Variants in MEA1 observed in about 807,000 individuals in gnomAD.
MEA1 encodes the protein male-enhanced antigen 1.
Under a neutral mutation model 21.4 loss-of-function variants are expected in MEA1, and 22 were observed. That is an observed-to-expected ratio of 1.03 (90% confidence interval 0.73 to 1.47). The LOEUF is 1.47. Ranked by LOEUF, MEA1 falls within the 40% of genes most tolerant of loss-of-function variation. The pLI is 0.00. For synonymous variants in MEA1, 91 were observed against 85.5 expected (o/e 1.06, Z -0.35); for missense variants, 233 against 230.5 (o/e 1.01, Z -0.07).
chr6:43,013,262 C>G lies in MEA1; in HGVS notation c.156G>C (p.Glu52Asp). ...TTTCCTCCTGCTCTTCCTCAGGCTC[C>G]TCACTGCTCCAATCCCCAGTGCCTT... is the stretch of plus-strand genomic sequence containing the variant. ...PSEGTGDWSS[E>D]EPEEEQEETG... Residue 52 changes from glutamate to aspartate, a missense_variant, in exon 2 of 4, where the codon GAG (glutamate) becomes GAC (aspartate). By Grantham distance (45) the Glu-to-Asp change is conservative. Coordinates refer to ENST00000244711, the MANE Select transcript of MEA1 (RefSeq NM_014623.4). 6.2e-7 allele frequency: 1 copy of G among 1,614,194 alleles called. No individual in the cohort carries two copies.
chr6:43,013,948 T>G (rs1581872025), upstream of MEA1: 2 of 1,445,386 alleles, frequency 1.4e-6, no homozygotes, highest in Non-Finnish European at 1.8e-6. Context: ...CGTGCAGAGG[T>G]GCCTAGTCCT....
Position 43,013,122 on chromosome 6 carries a change from C to T in MEA1, c.296G>A (p.Arg99Gln), listed in dbSNP as rs374988758. 22 of 1,613,876 alleles carry T rather than the reference C, an allele frequency of 1.4e-5. No homozygotes were observed. Among genetic ancestry groups the T allele is most frequent in the East Asian group, 2.2e-5 (1 of 44,886 alleles). Residue 99 changes from arginine to glutamine, a missense_variant, in exon 2 of 4, where the codon CGA becomes CAA. Arg to Gln is a conservative substitution (Grantham distance 43). Coordinates refer to ENST00000244711, the MANE Select transcript of MEA1 (RefSeq NM_014623.4). ...DGDVVADIQD[R>Q]IQALGLHLPD... ...ATCCCTCCTCCACCCTACCTGGATT[C>T]GATCCTGGATGTCAGCAACTACATC...
upstream of MEA1, chr6:43,014,487 A>C: frequency 2.0e-6 from 1 of 494,660 alleles, no homozygotes; most frequent in Admixed American, 2.3e-5. Context: ...GGGAAAGGAG[A>C]GTGTTAATGG....
At position 43,013,869 on chromosome 6, in the gene MEA1, C is replaced by G. The variant is rs1011993885; in HGVS notation, c.-56G>C. Reference sequence around the variant, plus strand: ...GTCCCCCACCCGCCCCCATCCGAATCCCGGCGCCGGTGTTCCCGCGCGCCT... The same window carrying G: ...GTCCCCCACCCGCCCCCATCCGAATGCCGGCGCCGGTGTTCCCGCGCGCCT... On this transcript the variant is annotated 5_prime_UTR_variant, in exon 1 of 4. Transcript: ENST00000244711. 1.1e-5 allele frequency: 14 copies of G among 1,288,608 alleles called. No homozygotes were observed. The highest frequency in any genetic ancestry group is 1.1e-4 in the Admixed American group (4 of 37,110). 79.8% of individuals were successfully genotyped at this position (1,288,608 alleles called of 1,614,324 possible).
upstream of MEA1, chr6:43,016,661 CA>C (rs1319399149): frequency 1.9e-5 from 3 of 155,988 alleles, no homozygotes; most frequent in Admixed American, 6.2e-5. Flanking sequence ...GCACTCATGC[CA>C]GCTTTCAATG....
chr6:43,013,748 G>A, intron 1 of MEA1, 38 bp downstream of exon 1: 1 of 1,523,382 alleles, frequency 6.6e-7, no homozygotes, highest in Non-Finnish European at 9.0e-7. Context: ...CGGCGTACCC[G>A]CCCCCTTCTC....
chr6:43,014,206 C>T (rs892600646), upstream of MEA1: 2 of 1,312,336 alleles, frequency 1.5e-6, no homozygotes, highest in Non-Finnish European at 1.0e-6. Context: ...TACGACTGCA[C>T]GTGCGCGCAC....
chr6:43,013,596 T>C, intron 1 of MEA1, 190 bp downstream of exon 1: 3 of 804,194 alleles, frequency 3.7e-6, no homozygotes, highest in Non-Finnish European at 6.0e-6. Flanking sequence ...CCCCACCAAC[T>C]TGCTCCGCCA....
In MEA1 at chr6:43,011,568, C is replaced by G; in HGVS notation, c.*902G>C. On this transcript the variant is annotated 3_prime_UTR_variant, in exon 4 of 4. Coordinates refer to ENST00000244711, the MANE Select transcript of MEA1 (RefSeq NM_014623.4). ...CTGTCCCCTACCTGCTCCTCACCCA[C>G]AGCTACCTGAGGCTGCTCTGAGAAG... is the stretch of plus-strand genomic sequence containing the variant. The G allele has an allele frequency of 2.0e-6, 1 of 503,812 alleles. No homozygotes were observed. The highest frequency in any genetic ancestry group is 3.6e-6 in the Non-Finnish European group (1 of 278,050). The allele number at this position is 503,812 out of a possible 1,614,324, so 31.2% of individuals were successfully genotyped here. A position where few individuals can be genotyped will look rare whatever the true frequency, so the allele number is the denominator to read the frequency against.
intron 1 of MEA1, 53 bp downstream of exon 1, chr6:43,013,733 C>G: frequency 1.3e-6 from 2 of 1,540,742 alleles, no homozygotes; most frequent in Non-Finnish European, 1.8e-6. Context: ...CTCCCCTAAA[C>G]AGGTCGGCGT....
chr6:43,014,130 C>A, upstream of MEA1: 1 of 1,416,826 alleles, frequency 7.1e-7, no homozygotes, highest in South Asian at 1.6e-5. Context: ...CCTGCCCACT[C>A]CTCAGCCCTC....
Position 43,013,944 on chromosome 6 carries a change from G to T in MEA1, c.-131C>A. On this transcript the variant is annotated 5_prime_UTR_variant, in exon 1 of 4. The change creates a new upstream start codon in the 5' untranslated region. Coordinates refer to ENST00000244711, the MANE Select transcript of MEA1 (RefSeq NM_014623.4). ...CACTTCCGGCGGGGCAGGACGTGCAGAGGTGCCTAGTCCTCCAGCCCCGCC... is the reference window on the plus strand; with the variant it reads ...CACTTCCGGCGGGGCAGGACGTGCATAGGTGCCTAGTCCTCCAGCCCCGCC... 1.4e-6 allele frequency: 2 copies of T among 1,459,720 alleles called. No homozygotes were observed. Among genetic ancestry groups the T allele is most frequent in the East Asian group, 5.1e-5 (2 of 39,254 alleles). 90.4% of individuals were successfully genotyped at this position (1,459,720 alleles called of 1,614,324 possible).
intron 3 of MEA1, 55 bp downstream of exon 3, chr6:43,012,870 CT>C: frequency 6.6e-7 from 1 of 1,511,170 alleles, no homozygotes; most frequent in Non-Finnish European, 9.2e-7. Context: ...CTTCTACTGA[CT>C]CATGCCAGTT....
At chr6:43,014,138 C>T, upstream of MEA1, 1 of 1,415,820 alleles carries the variant, frequency 7.1e-7, no homozygotes, top group Non-Finnish European at 9.2e-7. Context: ...CTCCTCAGCC[C>T]TCTCGTCCCT....
chr6:43,013,351 T>G lies in MEA1; in HGVS notation c.67A>C (p.Thr23Pro). The G allele has an allele frequency of 6.2e-7, 1 of 1,614,006 alleles. No individual in the cohort carries two copies. The highest frequency in any genetic ancestry group is 8.5e-7 in the Non-Finnish European group (1 of 1,180,010). The part of the protein sequence containing the change: ...RMATVVLGGD[T>P]MGPERIFPNQ... ...GGGAAGATACGCTCAGGGCCCATGG[T>G]GTCTCCTCCTAGAACTACTGTTGCC... is the stretch of plus-strand genomic sequence containing the variant. Residue 23 changes from threonine to proline, a missense_variant, in exon 2 of 4, where the codon ACC (threonine) becomes CCC (proline). Thr to Pro is a conservative substitution (Grantham distance 38, BLOSUM62 -1). Transcript: ENST00000244711.
Position 43,012,583 on chromosome 6 carries a change from T to G in MEA1, c.445A>C (p.Ser149Arg). 6.2e-7 allele frequency: 1 copy of G among 1,611,540 alleles called. No homozygotes were observed. Among genetic ancestry groups the G allele is most frequent in the Non-Finnish European group, 8.5e-7 (1 of 1,179,118 alleles). Residue 149 changes from serine to arginine, a missense_variant, in exon 4 of 4, where the codon AGC (serine) becomes CGC (arginine). Transcript: ENST00000244711. ...GCAGGAACCCCTGGCGCAGGCAGGC[T>G]TACTCCAGCCATTGTCCTTTTCACC... The part of the protein sequence containing the change: ...ELVKRTMAGV[S>R]LPAPGVPAWA...
At position 43,013,047 on chromosome 6, in the gene MEA1, C is replaced by T; in HGVS notation, c.304-19G>A. The T allele has an allele frequency of 1.2e-6, 2 of 1,614,158 alleles. No homozygotes were observed. The highest frequency in any genetic ancestry group is 1.7e-6 in the Non-Finnish European group (2 of 1,179,980). ...CCAGGGCCTGCAGAGCCACAGAAGA[C>T]CGTTTGGGTCTAGGCTTTCAGGGAG... On this transcript the variant is annotated intron_variant, in intron 2 of 3. Coordinates refer to ENST00000244711, the MANE Select transcript of MEA1 (RefSeq NM_014623.4).
In MEA1 at chr6:43,012,939, A is replaced by C. The variant is rs1762423543; in HGVS notation, c.393T>G (p.Ile131Met). The change falls in exon 3 of 4, where the codon ATT becomes ATG. Residue 131 changes from isoleucine to methionine, a missense_variant. Coordinates refer to ENST00000244711, the MANE Select transcript of MEA1 (RefSeq NM_014623.4). ...GATALNNHSS[I>M]PMDPEHVELV... ...ATGATCTTTTACCTGGGTCCATGGG[A>C]ATAGAGCTGTGGTTGTTCAACGCTG... 1.2e-6 allele frequency: 2 copies of C among 1,613,800 alleles called. No homozygotes were observed. The highest frequency in any genetic ancestry group is 1.7e-6 in the Non-Finnish European group (2 of 1,179,684).
At chr6:43,012,842 G>A in intron 3 of MEA1, 84 bp downstream of exon 3, 1 of 1,351,538 alleles carries the variant, frequency 7.4e-7, no homozygotes, top group South Asian at 1.2e-5. Flanking sequence ...TTAGGATAGG[G>A]TCTTCCTCTG....
Sources: gnomAD v4.1 joint callset for allele counts on GRCh38, gnomAD v4.1.1 for gene constraint, MANE v1.5 for transcripts, NCBI Gene and HGNC (gene_info 2026-07-23, HGNC 2026-07-21) for gene names.